IL34: variants seen among roughly 807,000 people sequenced by gnomAD.
IL34 encodes the protein interleukin-34.
A neutral mutation model predicts 25.3 loss-of-function variants in IL34; 17 were observed. The ratio of observed to expected loss-of-function variants is 0.67; its 90% CI spans 0.46 to 1.01. The LOEUF is 1.01. Among genes scored for constraint, IL34 ranks in the 50% least tolerant of loss-of-function variants. The pLI is 0.00. For missense variants in IL34, 368 were observed against 312.9 expected, an observed-to-expected ratio of 1.18 and a Z score of -1.33; for synonymous variants, 174 against 140.9, an observed-to-expected ratio of 1.23 and a Z score of -1.66.
At chr16:70,602,912 C>G (rs1268574871) in intron 1 of IL34, among the ~76,000 whole-genome samples, 1 of 151,978 alleles carries the variant, frequency 6.6e-6, no homozygotes, top group Non-Finnish European at 1.5e-5. Flanking sequence ...TTAGCTTTGT[C>G]CTGGGGGCCA....
chr16:70,628,940 A>G (rs1374933489), intron 1 of IL34, among the ~76,000 whole-genome samples: 3 of 151,898 alleles, frequency 2.0e-5, no homozygotes, highest in South Asian at 2.1e-4. Flanking sequence ...AGCATGTACC[A>G]TTGTGTCCAA....
At chr16:70,649,793 A>ATTTTAT (rs10526861) in intron 1 of IL34, among the ~76,000 whole-genome samples, 87,382 of 149,740 alleles carry the variant, frequency 0.58, 27,946 homozygotes, top group African/African-American at 0.86. Context: ...TTGTTTTATT[A>ATTTTAT]TTTTATTTTT....
chr16:70,610,894 T>A (rs554973535), intron 1 of IL34, among the ~76,000 whole-genome samples: 1 of 152,258 alleles, frequency 6.6e-6, no homozygotes, highest in East Asian at 1.9e-4. Context: ...ATTCCAAGAT[T>A]CTTCTGGAAA....
intron 1 of IL34, among the ~76,000 whole-genome samples, chr16:70,581,475 T>C (rs1475584667): frequency 1.3e-5 from 2 of 151,948 alleles, no homozygotes; most frequent in East Asian, 3.9e-4. Flanking sequence ...GCATCCAGAA[T>C]GAATACTCTG....
At chr16:70,642,837 C>T (rs1015283310), upstream of IL34, among the ~76,000 whole-genome samples, 15 of 152,130 alleles carry the variant, frequency 9.9e-5, no homozygotes, top group Non-Finnish European at 1.6e-4. Context: ...ATTGCATAAT[C>T]AATCCCATTT....
chr16:70,615,284 G>A (rs1423468000), intron 1 of IL34, among the ~76,000 whole-genome samples: 2 of 152,024 alleles, frequency 1.3e-5, no homozygotes, highest in East Asian at 3.9e-4. Flanking sequence ...CGAGGTGGGT[G>A]GATCAAGAGG....
At chr16:70,644,149 A>G (rs918792688), upstream of IL34, among the ~76,000 whole-genome samples, 5 of 151,996 alleles carry the variant, frequency 3.3e-5, no homozygotes, top group Non-Finnish European at 7.4e-5. Flanking sequence ...TAATTTTTGT[A>G]TTTTTAGTAG....
intron 1 of IL34, among the ~76,000 whole-genome samples, chr16:70,629,882 A>G (rs900349693): frequency 6.8e-6 from 1 of 147,126 alleles, no homozygotes; most frequent in Non-Finnish European, 1.5e-5. Context: ...TGTTTCAGTA[A>G]TTAAAAAATG....
At chr16:70,636,279 C>T (rs912261155) in intron 1 of IL34, among the ~76,000 whole-genome samples, 3 of 151,872 alleles carry the variant, frequency 2.0e-5, no homozygotes, top group Non-Finnish European at 4.4e-5. Flanking sequence ...CAAGTGATCC[C>T]CCTGCCTCAG....
chr16:70,633,868 T>C (rs1048528178), intron 1 of IL34, among the ~76,000 whole-genome samples: 1 of 151,970 alleles, frequency 6.6e-6, no homozygotes, highest in African/African-American at 2.4e-5. Context: ...TTTTTTTTTT[T>C]GAGACAGAGT....
chr16:70,604,315 CACAAGTGGGG>C, intron 1 of IL34, among the ~76,000 whole-genome samples: 1 of 152,330 alleles, frequency 6.6e-6, no homozygotes, highest in East Asian at 1.9e-4. Flanking sequence ...AGACTGTACT[CACAAGTGGGG>C]ACCTCTGCAA....
At chr16:70,583,222 C>T (rs2050654646) in intron 1 of IL34, among the ~76,000 whole-genome samples, 1 of 152,020 alleles carries the variant, frequency 6.6e-6, no homozygotes. Flanking sequence ...AAGTGATTCT[C>T]CTGCCTCAGC....
At chr16:70,616,485 G>A (rs761500637) in intron 1 of IL34, among the ~76,000 whole-genome samples, 39 of 152,026 alleles carry the variant, frequency 2.6e-4, no homozygotes, top group African/African-American at 8.7e-4. Context: ...TTCTATGACC[G>A]TCTTACTCAT....
chr16:70,606,700 A>T (rs2051010295), intron 1 of IL34, among the ~76,000 whole-genome samples: 1 of 151,770 alleles, frequency 6.6e-6, no homozygotes, highest in Non-Finnish European at 1.5e-5. Context: ...TGATCCTTCC[A>T]CTTCAGCCTC....
At chr16:70,614,475 G>T (rs1307063736) in intron 1 of IL34, among the ~76,000 whole-genome samples, 2 of 152,190 alleles carry the variant, frequency 1.3e-5, no homozygotes, top group African/African-American at 4.8e-5. Flanking sequence ...TCTTAAGCCC[G>T]CTGAGGTTTG....
rs374901181 is a variant in IL34, at chr16:70,656,930, C to T, written c.241-30C>T. ...TCAGAGCCCAGAGGCCCATGTCTCC[C>T]GAGTTGCAGTGACTTCCCTGTTTCC... On this transcript the variant is annotated intron_variant, in intron 3 of 5. Coordinates refer to ENST00000288098, the MANE Select transcript of IL34 (RefSeq NM_001393494.1). The T allele has an allele frequency of 1.8e-5, 29 of 1,588,510 alleles. 1 individual carries two copies. In the Middle Eastern group the frequency reaches 1.6e-3, roughly 88 times the overall value.
chr16:70,639,526 T>TG (rs1346444340), intron 1 of IL34, among the ~76,000 whole-genome samples: 1 of 152,222 alleles, frequency 6.6e-6, no homozygotes, highest in East Asian at 1.9e-4. Context: ...AGGCATTAAG[T>TG]GGCATTGCCT....
chr16:70,651,540 G>T (rs1232367970), intron 1 of IL34, among the ~76,000 whole-genome samples: 1 of 152,140 alleles, frequency 6.6e-6, no homozygotes, highest in African/African-American at 2.4e-5. Flanking sequence ...GGCACTCCTG[G>T]TGGGAGGTCC....
chr16:70,624,029 C>G (rs962330061), intron 1 of IL34, among the ~76,000 whole-genome samples: 1 of 151,794 alleles, frequency 6.6e-6, no homozygotes, highest in Non-Finnish European at 1.5e-5. Context: ...ACGGGGCTTT[C>G]GAGGTGATCA....
Sources: allele counts gnomAD v4.1 joint callset (sites outside exome capture counted in the v4.1 genomes callset), GRCh38; gene constraint gnomAD v4.1.1; transcripts MANE v1.5; gene names NCBI Gene and HGNC (gene_info 2026-07-23, HGNC 2026-07-21).